ACLY: variants seen among roughly 807,000 people sequenced by gnomAD.
ACLY encodes ATP citrate lyase.
Under a neutral mutation model 133.0 loss-of-function variants are expected in ACLY, and 41 were observed. That is an observed-to-expected ratio of 0.31 (90% CI 0.24 to 0.40). The LOEUF (loss-of-function observed/expected upper bound fraction) is 0.40. ACLY is among the 10% of genes least tolerant of loss of function. The pLI is 1.00. For synonymous variants in ACLY, 495 were observed against 549.3 expected, an observed-to-expected ratio of 0.90 and a Z score of 1.38; for missense variants, 1,046 against 1,453.8, an observed-to-expected ratio of 0.72 and a Z score of 4.56.
chr17:41,873,716 C>T, intron 23 of ACLY, 95 bp downstream of exon 23: 1 of 1,339,584 alleles, frequency 7.5e-7, no homozygotes, highest in South Asian at 1.9e-5. Flanking sequence ...ATCTTGGACA[C>T]ACTCCCCAGG....
chr17:41,906,449 ACCCCAC>A, intron 8 of ACLY, 73 bp downstream of exon 8: 13 of 1,276,996 alleles, frequency 1.0e-5, no homozygotes, highest in Non-Finnish European at 1.5e-5. Flanking sequence ...AAGTGACAGG[ACCCCAC>A]CCACCCAGGC....
At chr17:41,875,816 C>T (rs2048729778) in intron 22 of ACLY, among the ~76,000 whole-genome samples, 1 of 152,182 alleles carries the variant, frequency 6.6e-6, no homozygotes, top group South Asian at 2.1e-4. Flanking sequence ...CGGCCGCCTG[C>T]CTTGGCCTCC....
chr17:41,890,384 GAAA>G (rs781914466), intron 16 of ACLY, among the ~76,000 whole-genome samples: 2 of 132,498 alleles, frequency 1.5e-5, no homozygotes, highest in African/African-American at 2.8e-5. Flanking sequence ...CTGACCGATT[GAAA>G]AAAAAAAAAA....
chr17:41,929,094 CTTT>C (rs111865267), intron 1 of ACLY, among the ~76,000 whole-genome samples: 20 of 133,548 alleles, frequency 1.5e-4, no homozygotes, highest in Admixed American at 1.5e-4. Flanking sequence ...ATGTTATTTC[CTTT>C]TTTTTTTTTT....
intron 1 of ACLY, among the ~76,000 whole-genome samples, chr17:41,928,887 T>C (rs1340911479): frequency 1.3e-5 from 2 of 150,010 alleles, no homozygotes; most frequent in Admixed American, 6.7e-5. Context: ...GGAGTTCTGA[T>C]TGGAACTGCA....
At chr17:41,930,523 C>G in exon 1 of ACLY, 1 of 545,684 alleles carries the variant, frequency 1.8e-6, no homozygotes, top group Non-Finnish European at 3.3e-6. Context: ...TCATCACTCC[C>G]TGGCCCAGTG....
chr17:41,883,776 G>C (rs1224948860), intron 19 of ACLY, among the ~76,000 whole-genome samples: 1 of 151,690 alleles, frequency 6.6e-6, no homozygotes, highest in African/African-American at 2.4e-5. Flanking sequence ...GTAGAGATGG[G>C]GTTTCACCAT....
Position 41,892,390 on chromosome 17 carries a change from G to T in ACLY, c.1659C>A (p.Phe553Leu), listed in dbSNP as rs1348725743. Residue 553 changes from phenylalanine to leucine, a missense_variant, in exon 16 of 29, where the codon TTC becomes TTA. By Grantham distance (22) the Phe-to-Leu change is conservative (BLOSUM62 0). Transcript: ENST00000352035. ...WGHKEILIPV[F>L]KNMADAMRKH... Reference sequence around the variant, plus strand: ...TCCTCATGGCATCAGCCATGTTCTTGAAGACAGGGATCAGGATCTCTTTGT... The same window carrying T: ...TCCTCATGGCATCAGCCATGTTCTTTAAGACAGGGATCAGGATCTCTTTGT... The T allele has an allele frequency of 3.1e-6, 5 of 1,613,758 alleles. No homozygotes were observed. Among genetic ancestry groups the T allele is most frequent in the Non-Finnish European group, 3.4e-6 (4 of 1,179,964 alleles).
rs1295079785 is a variant in ACLY at position 41,873,822 on chromosome 17, C to G, written c.2631G>C (p.Trp877Cys). The G allele has an allele frequency of 6.4e-7, 1 of 1,571,678 alleles. No homozygotes were observed. Among genetic ancestry groups the G allele is most frequent in the Non-Finnish European group, 8.7e-7 (1 of 1,152,900 alleles). Residue 877 changes from tryptophan (W) to cysteine (C), a missense_variant, in exon 23 of 29, where the codon TGG becomes TGC. Trp to Cys is a radical substitution (Grantham distance 215). Around this residue, in one of 4 missense-constraint regions of ACLY, gnomAD observed 205 missense variants for 373.3 expected, o/e 0.55. Coordinates refer to ENST00000352035, the MANE Select transcript of ACLY (RefSeq NM_001096.3). ...MGIGGVLGLL[W>C]FQKRLPKYSC... ...CCCTCCATGCTCACCTTTTCTGGAA[C>G]CAGAGGAGGCCGAGGACCCCGCCAA...
chr17:41,905,539 C>T lies in ACLY; in HGVS notation c.986G>A (p.Arg329Gln), dbSNP rs1555632481. The change falls in exon 9 of 29, where the codon CGA becomes CAA. Residue 329 changes from arginine (R) to glutamine (Q), a missense_variant. Arg to Gln is a conservative substitution (Grantham distance 43). Coordinates refer to ENST00000352035, the MANE Select transcript of ACLY (RefSeq NM_001096.3). The part of the protein sequence containing the change: ...YAKTILSLMT[R>Q]EKHPDGKILI... ...TATCTCACCATCTGGGTGCTTCTCTCGGGTCATGAGGGAGAGGATAGTCTT... is the reference window on the plus strand; with the variant it reads ...TATCTCACCATCTGGGTGCTTCTCTTGGGTCATGAGGGAGAGGATAGTCTT... 6.2e-7 allele frequency: 1 copy of T among 1,614,174 alleles called. No individual in the cohort carries two copies. Among genetic ancestry groups the T allele is most frequent in the Admixed American group, 1.7e-5 (1 of 60,020 alleles).
Position 41,867,830 on chromosome 17 carries a change from G to A in ACLY, c.3286C>T (p.Pro1096Ser), listed in dbSNP as rs2048502857. 4 of 1,610,970 alleles carry A rather than the reference G, an allele frequency of 2.5e-6. No individual in the cohort carries two copies. The highest frequency in any genetic ancestry group is 3.4e-6 in the Non-Finnish European group (4 of 1,178,450). ...CTCTGTTACATGCTCATGTGTTCCG[G>A]AAGAACATATGAAATATCATCCCAC... ...HPWDDISYVL[P>S]EHMSM The change falls in exon 29 of 29, where the codon CCG becomes TCG. Residue 1096 changes from proline (P) to serine (S), a missense_variant. Pro to Ser is a moderately conservative substitution (Grantham distance 74). This residue lies in a region of ACLY where 205 missense variants were observed against 373.3 expected (regional missense o/e 0.55). Coordinates refer to ENST00000352035, the MANE Select transcript of ACLY (RefSeq NM_001096.3).
intron 8 of ACLY, 127 bp downstream of exon 8, chr17:41,906,401 G>A (rs1247465337): frequency 3.9e-6 from 3 of 772,260 alleles, no homozygotes; most frequent in South Asian, 1.6e-5. Context: ...AGCCCTCTGG[G>A]ATGCCACTGC....
At chr17:41,885,657 C>T (rs369744981) in intron 18 of ACLY, among the ~76,000 whole-genome samples, 19 of 152,286 alleles carry the variant, frequency 1.2e-4, no homozygotes, top group African/African-American at 4.6e-4. Flanking sequence ...TTCATTTATT[C>T]CTCCAGTAGC....
intron 20 of ACLY, among the ~76,000 whole-genome samples, chr17:41,879,263 G>A (rs1411259483): frequency 2.6e-5 from 4 of 151,808 alleles, no homozygotes; most frequent in Admixed American, 1.3e-4. Context: ...CTGCCACCAC[G>A]CCCAGCTAAT....
At chr17:41,924,426 C>T (rs1467130862) in intron 1 of ACLY, among the ~76,000 whole-genome samples, 1 of 151,584 alleles carries the variant, frequency 6.6e-6, no homozygotes, top group Admixed American at 6.6e-5. Context: ...GGATTACATG[C>T]GTGAGCCACC....
intron 18 of ACLY, 80 bp from the exon 19 acceptor site, chr17:41,884,354 G>A (rs1317620065): frequency 4.4e-6 from 4 of 915,470 alleles, no homozygotes; most frequent in South Asian, 1.3e-5. Context: ...AAGCACACTT[G>A]TACTGGGTAC....
chr17:41,884,065 T>G lies in ACLY; in HGVS notation c.2154+128A>C, dbSNP rs1406278396. The G allele has an allele frequency of 3.0e-5, 19 of 624,896 alleles. No homozygotes were observed. The African/African-American group carries it at 3.5e-4, about 11-fold the overall frequency. The allele number at this position is 624,896 out of a possible 1,614,324, so 38.7% of individuals were successfully genotyped here. On this transcript the variant is annotated intron_variant, in intron 19 of 28. Transcript: ENST00000352035. ...TAGTGACAACCTTGAGGCCCCAGCATCTAGGGGATGGGATTACCAGGGACT... is the reference window on the plus strand; with the variant it reads ...TAGTGACAACCTTGAGGCCCCAGCAGCTAGGGGATGGGATTACCAGGGACT...
rs1555624178 is a variant in ACLY at position 41,867,795 on chromosome 17, G to C, written c.*15C>G. ...ATCTTGTCTTCAGTTTACTGCAGTA[G>C]GGTTCCTGGCTCTGTTACATGCTCA... On this transcript the variant is annotated 3_prime_UTR_variant, in exon 29 of 29. Coordinates refer to ENST00000352035, the MANE Select transcript of ACLY (RefSeq NM_001096.3). 1 of 1,595,794 alleles carries C rather than the reference G, an allele frequency of 6.3e-7. No individual in the cohort carries two copies. Among genetic ancestry groups the C allele is most frequent in the Admixed American group, 1.7e-5 (1 of 58,116 alleles).
intron 16 of ACLY, among the ~76,000 whole-genome samples, chr17:41,890,996 C>T (rs2049195978): frequency 6.6e-6 from 1 of 151,738 alleles, no homozygotes; most frequent in Non-Finnish European, 1.5e-5. Context: ...TAAATACAAA[C>T]ATACATAAAA....
Sources: gnomAD v4.1 joint callset for allele counts (sites outside exome capture counted in the v4.1 genomes callset) on GRCh38, gnomAD v4.1.1 for gene constraint, gnomAD v4.1.1 regional missense constraint, MANE v1.5 for transcripts, NCBI Gene and HGNC (gene_info 2026-07-23, HGNC 2026-07-21) for gene names.